The following SPTB variants were observed in gnomAD, a reference collection of about 807,000 sequenced individuals.
The protein encoded by SPTB is spectrin beta, erythrocytic, also known as spectrin beta chain, erythrocytic.
A neutral mutation model predicts 256.2 loss-of-function variants in SPTB; 45 were observed. That is an observed-to-expected ratio of 0.18 (90% confidence interval 0.14 to 0.23). SPTB has a LOEUF of 0.23. Among genes scored for constraint, SPTB ranks in the 10% least tolerant of loss-of-function variants. The pLI, the probability that SPTB is intolerant of heterozygous loss-of-function variation, is 1.00. For missense variants in SPTB, 2,715 were observed against 3,040.4 expected (o/e 0.89, Z 2.52); for synonymous variants, 1,231 against 1,243.1 (o/e 0.99, Z 0.21).
In SPTB at chr14:64,847,373, C is replaced by T. The variant is rs994624215; in HGVS notation, c.-51-24228G>A. Among the ~76,000 whole-genome samples the T allele has an allele frequency of 2.0e-5, 3 of 152,148 alleles. No homozygotes were observed. Among genetic ancestry groups the T allele is most frequent in the African/African-American group, 7.2e-5 (3 of 41,430 alleles). Reference sequence around the variant, plus strand: ...CCCTCTTCCAAGTGTCGTATCATGTCTCAGGCTAAGAGGACCCCGATGTGG... The same window carrying T: ...CCCTCTTCCAAGTGTCGTATCATGTTTCAGGCTAAGAGGACCCCGATGTGG... On this transcript the variant is annotated intron_variant, in intron 1 of 35. Transcript: ENST00000644917. This position sits in a 1 kb window ranked among gnomAD's most constrained non-coding sequence, Gnocchi z 5.9.
rs1324848382 is a variant in SPTB at position 64,827,183 on chromosome 14, A to C, written c.-51-4038T>G. Among the ~76,000 whole-genome samples, 5 of 152,202 alleles carry C rather than the reference A, an allele frequency of 3.3e-5. No homozygotes were observed. The East Asian group carries it at 7.7e-4, about 23-fold the overall frequency. On this transcript the variant is annotated intron_variant, in intron 1 of 35. Coordinates refer to ENST00000644917, the MANE Select transcript of SPTB (RefSeq NM_001355436.2). The surrounding 1 kb of genome is among the most constrained non-coding windows in gnomAD (Gnocchi z 4.6). ...GTCAGCCCTCGCCGAAGCCCCGAGC[A>C]GAAGAGGCAGCTGTTCTCTTTTCTC... is the stretch of plus-strand genomic sequence containing the variant.
rs762818156 is a variant in SPTB, at chr14:64,750,082, G to T, written c.6675C>A (p.Ala2225=). 1 of 1,614,128 alleles carries T rather than the reference G, an allele frequency of 6.2e-7. No individual in the cohort carries two copies. Among genetic ancestry groups the T allele is most frequent in the East Asian group, 2.2e-5 (1 of 44,872 alleles). ...CCTCCCCATGGTAGGGCATCCCCAG[G>T]GCCAGGTTCTTGGCATCCTTGTAGA... The part of the protein sequence containing the change: ...LTFYKDAKNL[A]LGMPYHGEEP... The change falls in exon 34 of 36, where the codon GCC becomes GCA. Residue 2225 remains alanine (A), a synonymous_variant. Transcript: ENST00000644917.
At chr14:64,752,895 C>A (rs1002284307) in intron 33 of SPTB, among the ~76,000 whole-genome samples, 25 of 152,026 alleles carry the variant, frequency 1.6e-4, no homozygotes, top group Non-Finnish European at 2.4e-4. Flanking sequence ...CTGGGGGCCC[C>A]AGGCAGAGAC....
Position 64,774,382 on chromosome 14 carries a change from AG to A in SPTB, c.4973+14del, listed in dbSNP as rs753242668. 1.3e-6 allele frequency: 2 copies of A among 1,584,160 alleles called. No homozygotes were observed. The highest frequency in any genetic ancestry group is 1.3e-5 in the African/African-American group (1 of 74,454). ...CCCCATCTCCTGACCGAGTCACCAC[AG>A]GGGGCGCACGCACCCCTCAGGGTGG... is the stretch of plus-strand genomic sequence containing the variant. On this transcript the variant is annotated intron_variant, in intron 24 of 35. Transcript: ENST00000644917.
rs369630504 is a variant in SPTB at position 64,771,111 on chromosome 14, C to T, written c.5572G>A (p.Val1858Met). Residue 1858 changes from valine to methionine, a missense_variant, in exon 27 of 36, where the codon GTG becomes ATG. By Grantham distance (21) the Val-to-Met change is conservative (BLOSUM62 1). Around this residue, in one of 4 missense-constraint regions of SPTB, gnomAD observed 2,239 missense variants for 2,384.4 expected, o/e 0.94. Transcript: ENST00000644917. ...LGVQVQQFQD[V>M]ATRLQTAYAG... ...TATGCTGTCTGCAGACGGGTGGCCA[C>T]GTCCTGGAACTGCTGCACCTGTGGT... 2.9e-5 allele frequency: 46 copies of T among 1,613,796 alleles called. No individual in the cohort carries two copies. The African/African-American group carries it at 3.9e-4, about 14-fold the overall frequency.
rs1373470306 is a variant in SPTB at position 64,802,320 on chromosome 14, G to A, written c.475-3C>T. 1 of 1,613,896 alleles carries A rather than the reference G, an allele frequency of 6.2e-7. No individual in the cohort carries two copies. Among genetic ancestry groups the A allele is most frequent in the East Asian group, 2.2e-5 (1 of 44,898 alleles). ...GTTTGGACCACAATGTCCTGAATCT[G>A]AGGGTAGCAGAACAAGAGAGATTTG... On this transcript the variant is annotated splice_polypyrimidine_tract_variant and splice_region_variant and intron_variant, in intron 4 of 35. Coordinates refer to ENST00000644917, the MANE Select transcript of SPTB (RefSeq NM_001355436.2). This position sits in a 1 kb window ranked among gnomAD's most constrained non-coding sequence, Gnocchi z 5.1.
At chr14:64,848,407 C>T (rs1369907224) in intron 1 of SPTB, among the ~76,000 whole-genome samples, 1 of 152,082 alleles carries the variant, frequency 6.6e-6, no homozygotes, top group Admixed American at 6.6e-5. Context: ...AGAGAGCTGG[C>T]CAGATGTTCT....
intron 32 of SPTB, chr14:64,763,894 T>G: frequency 1.9e-6 from 1 of 518,742 alleles, no homozygotes; most frequent in Non-Finnish European, 3.8e-6. Flanking sequence ...AGTCACCACG[T>G]GCACACACAC....
intron 12 of SPTB, among the ~76,000 whole-genome samples, chr14:64,794,847 C>T (rs1189911804): frequency 6.6e-6 from 1 of 152,222 alleles, no homozygotes; most frequent in Non-Finnish European, 1.5e-5. Context: ...AAGCCCCACA[C>T]TCATCTACTG....
At chr14:64,817,414 A>G (rs574598234) in intron 2 of SPTB, among the ~76,000 whole-genome samples, 1 of 152,386 alleles carries the variant, frequency 6.6e-6, no homozygotes, top group East Asian at 1.9e-4. Context: ...TAGTCTCTAA[A>G]TAAAACCCCA....
intron 32 of SPTB, among the ~76,000 whole-genome samples, chr14:64,761,443 G>A (rs1185720474): frequency 6.6e-6 from 1 of 152,112 alleles, no homozygotes; most frequent in East Asian, 1.9e-4. Context: ...GGAGTCCCCT[G>A]GATTGCAGGC....
In SPTB at chr14:64,793,546, C is replaced by T. The variant is rs201889680; in HGVS notation, c.2117G>A (p.Arg706His). The change falls in exon 14 of 36, where the codon CGC (arginine) becomes CAC (histidine). Residue 706 changes from arginine (R) to histidine (H), a missense_variant. By Grantham distance (29) the Arg-to-His change is conservative (BLOSUM62 0). Coordinates refer to ENST00000644917, the MANE Select transcript of SPTB (RefSeq NM_001355436.2). This position sits in a 1 kb window ranked among gnomAD's most constrained non-coding sequence, Gnocchi z 7.0. ...IFQEAHGMVA[R>H]KQFGHPQIEA... ...GATCTGCGGGTGCCCAAACTGCTTG[C>T]GCGCAACCATGCCATGAGCCTCCTG... 33 of 1,614,112 alleles carry T rather than the reference C, an allele frequency of 2.0e-5. No homozygotes were observed. The highest frequency in any genetic ancestry group is 3.3e-4 in the Middle Eastern group (2 of 6,062).
Position 64,782,335 on chromosome 14 carries a change from C to A in SPTB, c.4221G>T (p.Pro1407=), listed in dbSNP as rs775161759. 6.2e-7 allele frequency: 1 copy of A among 1,614,206 alleles called. No individual in the cohort carries two copies. The stretch of plus-strand genomic sequence containing the variant: ...GATTGACACTGGTCAGGTCCTTGCC[C>A]GGGTCGTCTGACCGCAGCTGGTCCT... ...AMEDQLRSDD[P]GKDLTSVNRM... Residue 1407 remains proline (P), a synonymous_variant, in exon 20 of 36, where the codon CCG becomes CCT. Transcript: ENST00000644917.
intron 1 of SPTB, among the ~76,000 whole-genome samples, chr14:64,846,937 G>A (rs1367648057): frequency 6.6e-6 from 1 of 152,150 alleles, no homozygotes; most frequent in Non-Finnish European, 1.5e-5. Context: ...TGGTTCATGT[G>A]GGAAGGGAAG....
At chr14:64,861,866 T>G (rs1881861164) in intron 1 of SPTB, among the ~76,000 whole-genome samples, 2 of 152,202 alleles carry the variant, frequency 1.3e-5, no homozygotes, top group South Asian at 4.1e-4. Context: ...CGATTAACCA[T>G]CCTTTTCTCA....
intron 33 of SPTB, chr14:64,752,148 T>C (rs2081961428): frequency 3.8e-6 from 5 of 1,312,042 alleles, no homozygotes; most frequent in Non-Finnish European, 5.0e-6. Context: ...TCATGTCAAC[T>C]GGCATGTTTG....
rs1169567613 is a variant in SPTB at position 64,790,449 on chromosome 14, A to C, written c.2804+1270T>G. 6.6e-6 allele frequency among the ~76,000 whole-genome samples: 1 copy of C among 152,208 alleles called. No individual in the cohort carries two copies. Among genetic ancestry groups the C allele is most frequent in the Non-Finnish European group, 1.5e-5 (1 of 68,036 alleles). On this transcript the variant is annotated intron_variant, in intron 15 of 35. Coordinates refer to ENST00000644917, the MANE Select transcript of SPTB (RefSeq NM_001355436.2). This position sits in a 1 kb window ranked among gnomAD's most constrained non-coding sequence, Gnocchi z 4.8. ...GCCCACCAACACACACAAACTCATTACCTACAAGGCGAAAGAAGAGGGAAG... is the reference window on the plus strand; with the variant it reads ...GCCCACCAACACACACAAACTCATTCCCTACAAGGCGAAAGAAGAGGGAAG...
Position 64,753,625 on chromosome 14 carries a change from G to C in SPTB, c.6514C>G (p.Pro2172Ala). The C allele has an allele frequency of 1.2e-6, 2 of 1,613,650 alleles. No individual in the cohort carries two copies. The highest frequency in any genetic ancestry group is 1.7e-6 in the Non-Finnish European group (2 of 1,180,018). Residue 2172 changes from proline to alanine, a missense_variant, in exon 33 of 36, where the codon CCG becomes GCG. Around this residue, in one of 4 missense-constraint regions of SPTB, gnomAD observed 2,239 missense variants for 2,384.4 expected, o/e 0.94. Coordinates refer to ENST00000644917, the MANE Select transcript of SPTB (RefSeq NM_001355436.2). ...TGCACACTCTGCCCATGGTCCCGCG[G>C]GGCCGGCAGCGTTGCGGGCTCATCA... ...EGDEPATLPA[P>A]RDHGQSVQME...
intron 33 of SPTB, 75 bp from the exon 34 acceptor site, chr14:64,750,229 AT>A: frequency 6.9e-7 from 1 of 1,439,924 alleles, no homozygotes; most frequent in Non-Finnish European, 9.4e-7. Context: ...TAGCTTCACC[AT>A]TAAAAAAAAT....
Sources: allele counts gnomAD v4.1 joint callset (sites outside exome capture counted in the v4.1 genomes callset), GRCh38; gene constraint gnomAD v4.1.1; regional missense constraint gnomAD v4.1.1; non-coding constraint Gnocchi (gnomAD v3.1); transcripts MANE v1.5; gene names NCBI Gene and HGNC (gene_info 2026-07-23, HGNC 2026-07-21).